ARHGEF18: variants seen among roughly 807,000 people sequenced by gnomAD.
ARHGEF18 encodes rho guanine nucleotide exchange factor 18.
In ARHGEF18, 93 loss-of-function variants were observed where a neutral mutation model predicts 155.7. That is an observed-to-expected ratio of 0.60 (90% CI 0.50 to 0.71). The LOEUF (loss-of-function observed/expected upper bound fraction) is 0.71, where lower values mean the gene tolerates loss of function less well. Among genes scored for constraint, ARHGEF18 ranks in the 30% least tolerant of loss-of-function variants. The pLI, the probability that ARHGEF18 is intolerant of heterozygous loss-of-function variation, is 0.00. For missense variants in ARHGEF18, 1,593 were observed against 1,816.1 expected, an observed-to-expected ratio of 0.88 and a Z score of 2.23; for synonymous variants, 742 against 753.1, an observed-to-expected ratio of 0.99 and a Z score of 0.24.
intron 10 of ARHGEF18, among the ~76,000 whole-genome samples, chr19:7,408,338 T>C (rs1427915656): frequency 1.3e-5 from 2 of 152,166 alleles, no homozygotes; most frequent in African/African-American, 4.8e-5. Context: ...ATAGCCTCTG[T>C]CACAGCCACT....
chr19:7,372,734 C>G, intron 2 of ARHGEF18, 78 bp from the exon 3 acceptor site: 2 of 1,217,702 alleles, frequency 1.6e-6, no homozygotes, highest in Non-Finnish European at 2.1e-6. Context: ...GAGCAGGGAC[C>G]TTGTGGTCAA....
At chr19:7,424,452 C>T (rs1048096403) in intron 10 of ARHGEF18, among the ~76,000 whole-genome samples, 17 of 152,150 alleles carry the variant, frequency 1.1e-4, no homozygotes, top group African/African-American at 4.1e-4. Flanking sequence ...TCCAAAATCT[C>T]GTCTCACGGA....
At position 7,444,149 on chromosome 19, in the gene ARHGEF18, C is replaced by A; in HGVS notation, c.1361-55C>A. 1 of 1,591,736 alleles carries A rather than the reference C, an allele frequency of 6.3e-7. No individual in the cohort carries two copies. Among genetic ancestry groups the A allele is most frequent in the Non-Finnish European group, 8.6e-7 (1 of 1,166,358 alleles). On this transcript the variant is annotated intron_variant, in intron 13 of 28. Coordinates refer to ENST00000668164, the MANE Select transcript of ARHGEF18 (RefSeq NM_001367823.1). The surrounding 1 kb of genome is among the most constrained non-coding windows in gnomAD (Gnocchi z 4.7). ...GAAGGGCAGGCAGCACCCACGACTG[C>A]CCAGCGGGGCCGTGGAGCCAGCATG... is the stretch of plus-strand genomic sequence containing the variant.
intron 10 of ARHGEF18, among the ~76,000 whole-genome samples, chr19:7,413,145 T>A (rs1465405235): frequency 6.6e-6 from 1 of 151,974 alleles, no homozygotes; most frequent in African/African-American, 2.4e-5. Context: ...ATTAAGATAG[T>A]TATGGGCTGG....
At chr19:7,436,274 T>G (rs1180996968) in intron 10 of ARHGEF18, among the ~76,000 whole-genome samples, 1 of 151,822 alleles carries the variant, frequency 6.6e-6, no homozygotes, top group Non-Finnish European at 1.5e-5. Flanking sequence ...TTTGTTTGGT[T>G]TTTTGGTTTT....
At position 7,469,054 on chromosome 19, in the gene ARHGEF18, C is replaced by G. The variant is rs769892777; in HGVS notation, c.3710C>G (p.Thr1237Ser). The G allele has an allele frequency of 3.1e-6, 5 of 1,607,368 alleles. No homozygotes were observed. The highest frequency in any genetic ancestry group is 4.2e-6 in the Non-Finnish European group (5 of 1,177,894). Residue 1237 changes from threonine to serine, a missense_variant, in exon 27 of 29, where the codon ACC becomes AGC. Physicochemically the swap from Thr to Ser is moderately conservative, Grantham distance 58. Transcript: ENST00000668164. ...GCGGCCGTGCAGCAGCAGATCCCCA[C>G]CAAGCTGGCGGCCTCCACCAAGGGT... ...RQAAVQQQIP[T>S]KLAASTKGGK... is the part of the protein sequence containing the mutation.
At chr19:7,419,849 C>T (rs1359248731) in intron 10 of ARHGEF18, among the ~76,000 whole-genome samples, 1 of 151,970 alleles carries the variant, frequency 6.6e-6, no homozygotes, top group Admixed American at 6.6e-5. Context: ...ACACCCTCCA[C>T]CATAGAAAGC....
chr19:7,369,199 C>T (rs1388103266), intron 2 of ARHGEF18, among the ~76,000 whole-genome samples: 3 of 151,662 alleles, frequency 2.0e-5, no homozygotes, highest in Admixed American at 6.6e-5. Flanking sequence ...CAGTGACTCA[C>T]GCCTGTAATC....
intron 20 of ARHGEF18, among the ~76,000 whole-genome samples, 190 bp downstream of exon 20, chr19:7,460,184 T>C (rs866571059): frequency 6.6e-6 from 1 of 152,066 alleles, no homozygotes; most frequent in Non-Finnish European, 1.5e-5. Flanking sequence ...AGAGGTCACT[T>C]AGCCCTTTGG....
At chr19:7,420,644 G>C (rs534335261) in intron 10 of ARHGEF18, among the ~76,000 whole-genome samples, 2 of 152,310 alleles carry the variant, frequency 1.3e-5, no homozygotes, top group African/African-American at 2.4e-5. Context: ...TGCACCCATG[G>C]GTTCATGAGT....
At chr19:7,386,477 A>G (rs1396929487) in intron 10 of ARHGEF18, among the ~76,000 whole-genome samples, 1 of 152,038 alleles carries the variant, frequency 6.6e-6, no homozygotes, top group East Asian at 1.9e-4. Flanking sequence ...AGTCACCCCC[A>G]GGTGAGGACC....
chr19:7,449,522 G>T (rs1163138454), intron 15 of ARHGEF18, among the ~76,000 whole-genome samples: 1 of 152,122 alleles, frequency 6.6e-6, no homozygotes, highest in Non-Finnish European at 1.5e-5. Flanking sequence ...GCAGTGAGCT[G>T]AGATCACACC....
chr19:7,370,569 T>G (rs1420229993), intron 2 of ARHGEF18, among the ~76,000 whole-genome samples: 4 of 152,090 alleles, frequency 2.6e-5, no homozygotes, highest in African/African-American at 9.7e-5. Context: ...CAATTCCACT[T>G]CTGGGTATCT....
chr19:7,404,067 CAAAA>C (rs879300029), intron 10 of ARHGEF18, among the ~76,000 whole-genome samples: 1 of 126,662 alleles, frequency 7.9e-6, no homozygotes, highest in Non-Finnish European at 1.7e-5. Context: ...GACTCCGTCT[CAAAA>C]AAAAAAAAAG....
At chr19:7,437,068 G>C (rs1227448924) in intron 10 of ARHGEF18, among the ~76,000 whole-genome samples, 1 of 152,248 alleles carries the variant, frequency 6.6e-6, no homozygotes, top group South Asian at 2.1e-4. Context: ...TGACTCCTCT[G>C]CCAGAAAATC....
chr19:7,430,746 G>A (rs1315255570), intron 10 of ARHGEF18, among the ~76,000 whole-genome samples: 2 of 152,068 alleles, frequency 1.3e-5, no homozygotes, highest in South Asian at 2.1e-4. Context: ...TCGTAACTGC[G>A]GTAAGCTAAG....
chr19:7,454,985 C>G (rs1365045112), intron 17 of ARHGEF18, among the ~76,000 whole-genome samples: 2 of 152,172 alleles, frequency 1.3e-5, no homozygotes, highest in Non-Finnish European at 2.9e-5. Flanking sequence ...ACTTTCAAGA[C>G]CCATGTTGCA....
intron 10 of ARHGEF18, among the ~76,000 whole-genome samples, chr19:7,433,712 G>A (rs752870898): frequency 3.3e-5 from 5 of 151,700 alleles, no homozygotes; most frequent in Non-Finnish European, 5.9e-5. Flanking sequence ...GAAGCACAGC[G>A]GCACTGGAAA....
At chr19:7,464,141 G>A (rs1243163529) in intron 22 of ARHGEF18, among the ~76,000 whole-genome samples, 186 bp downstream of exon 22, 2 of 152,202 alleles carry the variant, frequency 1.3e-5, no homozygotes, top group African/African-American at 4.8e-5. Flanking sequence ...GGGTTCAAGT[G>A]ATTCTCCCGC....
Sources: allele counts gnomAD v4.1 joint callset (sites outside exome capture counted in the v4.1 genomes callset), GRCh38; gene constraint gnomAD v4.1.1; non-coding constraint Gnocchi (gnomAD v3.1); transcripts MANE v1.5; gene names NCBI Gene and HGNC (gene_info 2026-07-23, HGNC 2026-07-21).